The following SYAP1 variants were observed in gnomAD, a reference collection of about 807,000 sequenced individuals.
SYAP1 encodes synapse-associated protein 1.
SYAP1 carries 3 observed loss-of-function variants against 29.6 expected under a neutral mutation model. The observed-to-expected ratio is 0.10, with a 90% CI of 0.05 to 0.26. SYAP1 has a LOEUF of 0.26. Among genes scored for constraint, SYAP1 ranks in the 10% least tolerant of loss-of-function variants. The pLI is 1.00. For synonymous variants in SYAP1, 102 were observed against 102.7 expected (o/e 0.99, Z 0.04); for missense variants, 217 against 264.1 (o/e 0.82, Z 1.24).
rs140560696 is a variant in SYAP1, at chrX:16,743,752, G to A, written c.487G>A (p.Asp163Asn). Residue 163 changes from aspartate to asparagine, a missense_variant, in exon 5 of 9, where the codon GAC becomes AAC. Transcript: ENST00000380155. ...DPPAGVQFNF[D>N]FDQMYPVALV... is the part of the protein sequence containing the mutation. ...TCCGGCTGGCGTGCAATTTAATTTC[G>A]ACTTTGATCAGATGTACCCCGTGGC... The A allele has an allele frequency of 4.1e-6, 5 of 1,208,189 alleles. No individual in the cohort carries two copies. In the African/African-American group the frequency reaches 5.3e-5, roughly 13 times the overall value.
intron 5 of SYAP1, 139 bp downstream of exon 5, chrX:16,743,979 C>A: frequency 1.5e-6 from 1 of 654,581 alleles, no homozygotes; most frequent in Non-Finnish European, 2.3e-6. Flanking sequence ...CTCCCCTGGT[C>A]AGGGCACTCT....
At chrX:16,751,744 T>C (rs1455283553) in intron 5 of SYAP1, among the ~76,000 whole-genome samples, 30 of 103,109 alleles carry the variant, frequency 2.9e-4, no homozygotes, top group African/African-American at 9.5e-4. Context: ...AATGGTACAA[T>C]CTTGGCTCAC....
intron 5 of SYAP1, 147 bp from the exon 6 acceptor site, chrX:16,754,798 A>G (rs1926807486): frequency 1.8e-6 from 1 of 548,470 alleles, no homozygotes; most frequent in African/African-American, 2.3e-5. Flanking sequence ...GTGCTCTTGC[A>G]AATCATCTAC....
At chrX:16,749,226 T>G (rs1250316216) in intron 5 of SYAP1, among the ~76,000 whole-genome samples, 1 of 110,556 alleles carries the variant, frequency 9.0e-6, no homozygotes, top group Non-Finnish European at 1.9e-5. Context: ...CAGCTAATTT[T>G]TTATTTCTTG....
intron 1 of SYAP1, among the ~76,000 whole-genome samples, chrX:16,733,381 T>C (rs1280901544): frequency 9.0e-6 from 1 of 111,623 alleles, no homozygotes; most frequent in Non-Finnish European, 1.9e-5. Flanking sequence ...TACAGTCTGC[T>C]GGTTTCCTGG....
At chrX:16,720,435 C>T (rs1925934321) in intron 1 of SYAP1, among the ~76,000 whole-genome samples, 2 of 112,085 alleles carry the variant, frequency 1.8e-5, no homozygotes, top group African/African-American at 6.5e-5. Flanking sequence ...GTCTGCTATA[C>T]GCAAGTTGCA....
At chrX:16,740,119 T>C (rs1259835367) in intron 3 of SYAP1, among the ~76,000 whole-genome samples, 1 of 111,015 alleles carries the variant, frequency 9.0e-6, no homozygotes, top group Non-Finnish European at 1.9e-5. Context: ...TAGTCCAAGA[T>C]TGGGCTCCTA....
At chrX:16,734,764 G>A (rs1264020543) in intron 1 of SYAP1, among the ~76,000 whole-genome samples, 2 of 110,441 alleles carry the variant, frequency 1.8e-5, no homozygotes, top group Non-Finnish European at 3.8e-5. Context: ...GGGAGGCTGA[G>A]GCAGGCAGAT....
At chrX:16,720,085 G>C (rs1165135967) in intron 1 of SYAP1, among the ~76,000 whole-genome samples, 186 bp downstream of exon 1, 5 of 111,802 alleles carry the variant, frequency 4.5e-5, no homozygotes, top group Non-Finnish European at 9.4e-5. Flanking sequence ...GACGAGGCCA[G>C]AGCTTCATCT....
chrX:16,762,019 A>G lies in SYAP1; in HGVS notation c.*1660A>G, dbSNP rs1490391538. 8.9e-6 allele frequency: 1 copy of G among 111,865 alleles called. No individual in the cohort carries two copies. The highest frequency in any genetic ancestry group is 2.8e-4 in the East Asian group (1 of 3,575). The allele number at this position is 111,865 out of a possible 1,213,427, so 9.2% of individuals were successfully genotyped here. Reference sequence around the variant, plus strand: ...TTATAGCAGTAAACCCGTGTATTCCATGAAACCACTGGGCCCATCATCAAA... The same window carrying G: ...TTATAGCAGTAAACCCGTGTATTCCGTGAAACCACTGGGCCCATCATCAAA... On this transcript the variant is annotated 3_prime_UTR_variant, in exon 9 of 9. Transcript: ENST00000380155.
At chrX:16,727,747 T>C (rs1002406428) in intron 1 of SYAP1, among the ~76,000 whole-genome samples, 8 of 111,319 alleles carry the variant, frequency 7.2e-5, no homozygotes, top group African/African-American at 2.3e-4. Context: ...TAACTTGGGG[T>C]TCCTGGCCTG....
chrX:16,756,556 C>T (rs1249685439), intron 6 of SYAP1, 107 bp from the exon 7 acceptor site: 1 of 699,538 alleles, frequency 1.4e-6, no homozygotes, highest in Non-Finnish European at 2.1e-6. Context: ...AAATTCATTT[C>T]TGAAAATTAT....
intron 3 of SYAP1, among the ~76,000 whole-genome samples, chrX:16,739,569 C>T (rs370716759): frequency 2.8e-5 from 3 of 106,490 alleles, no homozygotes; most frequent in South Asian, 8.6e-4. Context: ...CTCTGCCCCC[C>T]GGGTTCAAGC....
At chrX:16,731,871 C>T (rs952255258) in intron 1 of SYAP1, among the ~76,000 whole-genome samples, 2 of 109,410 alleles carry the variant, frequency 1.8e-5, no homozygotes, top group African/African-American at 6.9e-5. Context: ...ACTCAGGAGG[C>T]GGAGGTTGCA....
intron 1 of SYAP1, 37 bp downstream of exon 1, chrX:16,719,936 G>A: frequency 2.6e-6 from 3 of 1,150,061 alleles, no homozygotes; most frequent in Non-Finnish European, 3.5e-6. Context: ...GGAAGGGGGG[G>A]GCGCATTCCT....
chrX:16,729,675 G>C (rs1033480677), intron 1 of SYAP1, among the ~76,000 whole-genome samples: 1 of 109,934 alleles, frequency 9.1e-6, no homozygotes, highest in African/African-American at 3.3e-5. Context: ...GTAGAGACGG[G>C]GTTTCACAAT....
chrX:16,735,116 T>G (rs767519734), intron 1 of SYAP1, 111 bp from the exon 2 acceptor site: 4 of 448,013 alleles, frequency 8.9e-6, no homozygotes, highest in Non-Finnish European at 1.5e-5. Context: ...CATTACTTGT[T>G]TCAGGTCCTT....
chrX:16,747,284 G>A (rs114012623), intron 5 of SYAP1, among the ~76,000 whole-genome samples: 1,967 of 111,951 alleles, frequency 0.018, 53 homozygotes, highest in African/African-American at 0.061. Context: ...TATATATAAT[G>A]TGTATGTGTA....
chrX:16,726,403 G>T (rs898164247), intron 1 of SYAP1, among the ~76,000 whole-genome samples: 1 of 110,576 alleles, frequency 9.0e-6, no homozygotes, highest in Non-Finnish European at 1.9e-5. Flanking sequence ...ACTTGTTTGT[G>T]GAGGCCTGGG....
Sources: allele counts gnomAD v4.1 joint callset (sites outside exome capture counted in the v4.1 genomes callset), GRCh38; gene constraint gnomAD v4.1.1; transcripts MANE v1.5; gene names NCBI Gene and HGNC (gene_info 2026-07-23, HGNC 2026-07-21).